The following ATP2B1 variants were observed in gnomAD, a reference collection of about 807,000 sequenced individuals.
ATP2B1 encodes ATPase plasma membrane Ca2+ transporting 1, also known as plasma membrane calcium-transporting ATPase 1.
Under a neutral mutation model 124.2 loss-of-function variants are expected in ATP2B1, and 14 were observed. The observed-to-expected ratio is 0.11, with a 90% CI of 0.07 to 0.18. ATP2B1 has a LOEUF of 0.18. ATP2B1 is among the 10% of genes least tolerant of loss of function. The probability of loss-of-function intolerance (pLI) is 1.00; values close to 1 mark genes in which losing one functional copy is unlikely to be tolerated. For synonymous variants in ATP2B1, 449 were observed against 492.4 expected (o/e 0.91, Z 1.17); for missense variants, 763 against 1,466.1 (o/e 0.52, Z 7.83).
At position 89,681,114 on chromosome 12, in the gene ATP2B1, T is replaced by A. The variant is rs188357501; in HGVS notation, c.-221-25007A>T. On this transcript the variant is annotated intron_variant, in intron 1 of 20. Transcript: ENST00000428670. ...ACTAATGGCAAGCATTTAATATAGT[T>A]AATCGTAGGACTAAAACTAAAGTGG... 1.9e-3 allele frequency among the ~76,000 whole-genome samples: 296 copies of A among 152,276 alleles called. No individual in the cohort carries two copies. In the Middle Eastern group the frequency reaches 0.037, roughly 19 times the overall value.
intron 1 of ATP2B1, among the ~76,000 whole-genome samples, chr12:89,703,028 T>G (rs1383473092): frequency 1.3e-5 from 2 of 152,198 alleles, no homozygotes; most frequent in Non-Finnish European, 2.9e-5. Flanking sequence ...CAAGCTATGA[T>G]TCCTAAATAA....
At chr12:89,638,779 T>C (rs988520879) in intron 3 of ATP2B1, among the ~76,000 whole-genome samples, 1 of 152,200 alleles carries the variant, frequency 6.6e-6, no homozygotes, top group Admixed American at 6.5e-5. Flanking sequence ...TTTTGATATA[T>C]GTATATGCTG....
chr12:89,638,777 T>C (rs1325075175), intron 3 of ATP2B1, among the ~76,000 whole-genome samples: 2 of 152,216 alleles, frequency 1.3e-5, no homozygotes, highest in Admixed American at 6.5e-5. Flanking sequence ...TATTTTGATA[T>C]ATGTATATGC....
Position 89,611,272 on chromosome 12 carries a change from C to A in ATP2B1, c.2168G>T (p.Gly723Val). Residue 723 changes from glycine to valine, a missense_variant, in exon 13 of 21, where the codon GGT (glycine) becomes GTT (valine). This residue lies in a region of ATP2B1 where 392 missense variants were observed against 776.6 expected (regional missense o/e 0.50). Transcript: ENST00000428670. ...AAAATCTTCCCCAGGATGTAAAATA[C>A]CACATTTGGTAGCAATGGCCCGAGC... ...NTARAIATKCGILHPGEDFLC... is the reference protein window; with the variant it reads ...NTARAIATKCVILHPGEDFLC... 1 of 1,611,710 alleles carries A rather than the reference C, an allele frequency of 6.2e-7. No homozygotes were observed. Among genetic ancestry groups the A allele is most frequent in the Non-Finnish European group, 8.5e-7 (1 of 1,178,968 alleles).
chr12:89,603,642 A>C lies in ATP2B1; in HGVS notation c.2848+70T>G. 6.7e-7 allele frequency: 1 copy of C among 1,496,698 alleles called. No individual in the cohort carries two copies. The highest frequency in any genetic ancestry group is 9.2e-7 in the Non-Finnish European group (1 of 1,083,746). 92.7% of individuals were successfully genotyped at this position (1,496,698 alleles called of 1,614,324 possible). A position where few individuals can be genotyped will look rare whatever the true frequency, so the allele number is the denominator to read the frequency against. On this transcript the variant is annotated intron_variant, in intron 17 of 20. Coordinates refer to ENST00000428670, the MANE Select transcript of ATP2B1 (RefSeq NM_001366521.1). The surrounding 1 kb of genome is among the most constrained non-coding windows in gnomAD (Gnocchi z 4.3). The stretch of plus-strand genomic sequence containing the variant: ...TAGGCTCTTGAAAATTTGTAACATT[A>C]TAACATCTTGGATGATTAGCTTGGA...
intron 20 of ATP2B1, among the ~76,000 whole-genome samples, chr12:89,596,825 T>C (rs1592698971): frequency 6.6e-6 from 1 of 152,148 alleles, no homozygotes; most frequent in African/African-American, 2.4e-5. Flanking sequence ...AACAGATACT[T>C]ACTTTCCATT....
intron 20 of ATP2B1, among the ~76,000 whole-genome samples, chr12:89,598,435 C>G (rs1875114470): frequency 6.6e-6 from 1 of 152,138 alleles, no homozygotes; most frequent in South Asian, 2.1e-4. Flanking sequence ...AATAAAACAA[C>G]AACGACAACA....
chr12:89,630,661 T>TAG lies in ATP2B1; in HGVS notation c.788-18_788-17dup. 1 of 1,437,306 alleles carries TAG rather than the reference T, an allele frequency of 7.0e-7. No individual in the cohort carries two copies. The allele number at this position is 1,437,306 out of a possible 1,614,324, so 89.0% of individuals were successfully genotyped here. On this transcript the variant is annotated splice_polypyrimidine_tract_variant and intron_variant, in intron 5 of 20. Transcript: ENST00000428670. ...ACATGAGTACCTATAACCAAAAACA[T>TAG]AGTTTGTTTTTAAAAATACTGATAG... is the stretch of plus-strand genomic sequence containing the variant.
chr12:89,590,915 T>C lies in ATP2B1; in HGVS notation c.*69A>G, dbSNP rs1393421599. On this transcript the variant is annotated 3_prime_UTR_variant, in exon 21 of 21. Transcript: ENST00000428670. ...AAGAATACTAGCTTGTCCATCACAA[T>C]ATGTGAAAAGACCCAGTTTCAATTT... The C allele has an allele frequency of 4.2e-6, 6 of 1,423,432 alleles. No individual in the cohort carries two copies. The highest frequency in any genetic ancestry group is 5.8e-6 in the Non-Finnish European group (6 of 1,030,238). The allele number at this position is 1,423,432 out of a possible 1,614,324, so 88.2% of individuals were successfully genotyped here.
intron 9 of ATP2B1, among the ~76,000 whole-genome samples, chr12:89,623,189 C>T (rs1041319359): frequency 3.9e-5 from 6 of 151,932 alleles, no homozygotes; most frequent in South Asian, 2.1e-4. Flanking sequence ...AAGGTAGAAA[C>T]GATGACTAAT....
chr12:89,675,218 C>T (rs1309029607), intron 1 of ATP2B1, among the ~76,000 whole-genome samples: 1 of 152,108 alleles, frequency 6.6e-6, no homozygotes, highest in Non-Finnish European at 1.5e-5. Flanking sequence ...GGAAAAGATC[C>T]CGTCTAGCTT....
At chr12:89,592,208 G>A (rs778882459) in intron 20 of ATP2B1, among the ~76,000 whole-genome samples, 20 of 151,926 alleles carry the variant, frequency 1.3e-4, no homozygotes, top group Non-Finnish European at 1.9e-4. Context: ...TAACTCAAGC[G>A]TCATTCAGAT....
chr12:89,624,905 T>G (rs1236671706), intron 8 of ATP2B1, among the ~76,000 whole-genome samples: 1 of 152,230 alleles, frequency 6.6e-6, no homozygotes, highest in Non-Finnish European at 1.5e-5. Flanking sequence ...CCTTACTGTT[T>G]CATTAACTTA....
intron 20 of ATP2B1, among the ~76,000 whole-genome samples, chr12:89,596,137 A>G (rs1159504920): frequency 1.3e-5 from 2 of 152,158 alleles, no homozygotes; most frequent in Non-Finnish European, 2.9e-5. Flanking sequence ...AGACTGAGAA[A>G]TATAATAAGT....
intron 3 of ATP2B1, among the ~76,000 whole-genome samples, chr12:89,637,867 G>T (rs1441853073): frequency 6.6e-6 from 1 of 152,054 alleles, no homozygotes; most frequent in East Asian, 1.9e-4. Flanking sequence ...GGTTAAGGAG[G>T]GGAAAGAATT....
chr12:89,628,228 C>T (rs548139834), intron 6 of ATP2B1, among the ~76,000 whole-genome samples: 4 of 151,634 alleles, frequency 2.6e-5, no homozygotes, highest in Admixed American at 2.0e-4. Context: ...CATGGTGAAA[C>T]CCTGTCTCTA....
At position 89,642,629 on chromosome 12, in the gene ATP2B1, G is replaced by C. The variant is rs149415676; in HGVS notation, c.209-274C>G. Among the ~76,000 whole-genome samples the C allele has an allele frequency of 2.3e-3, 356 of 152,162 alleles. 2 individuals are homozygous for C. Among genetic ancestry groups the C allele is most frequent in the African/African-American group, 8.2e-3 (341 of 41,524 alleles). On this transcript the variant is annotated intron_variant, in intron 2 of 20. Transcript: ENST00000428670. ...TTATTTTGCTTGTTTTTTTGAGACA[G>C]AGTCTTGCTCTGTCACCCAGGCTGG...
At chr12:89,681,427 C>A (rs1388138024) in intron 1 of ATP2B1, among the ~76,000 whole-genome samples, 3 of 147,772 alleles carry the variant, frequency 2.0e-5, no homozygotes, top group Non-Finnish European at 4.4e-5. Context: ...GTCACCCAGG[C>A]TGGAGTGCAG....
At chr12:89,705,110 A>AT (rs1321316355) in intron 1 of ATP2B1, among the ~76,000 whole-genome samples, 1 of 152,136 alleles carries the variant, frequency 6.6e-6, no homozygotes, top group Non-Finnish European at 1.5e-5. Flanking sequence ...ATAATAAAAA[A>AT]TTTTAACAAG....
Sources: gnomAD v4.1 joint callset for allele counts (sites outside exome capture counted in the v4.1 genomes callset) on GRCh38, gnomAD v4.1.1 for gene constraint, gnomAD v4.1.1 regional missense constraint, Gnocchi (gnomAD v3.1) non-coding constraint, MANE v1.5 for transcripts, NCBI Gene and HGNC (gene_info 2026-07-23, HGNC 2026-07-21) for gene names.